The following APLF variants were observed in gnomAD, a reference collection of about 807,000 sequenced individuals.
The protein encoded by APLF is aprataxin and PNKP like factor, also known as aprataxin and PNK-like factor.
APLF carries 61 observed loss-of-function variants against 55.6 expected under a neutral mutation model. The ratio of observed to expected loss-of-function variants is 1.10; its 90% CI spans 0.89 to 1.36. APLF has a LOEUF of 1.36. Ranked by LOEUF, APLF falls within the 40% of genes most tolerant of loss-of-function variation. The pLI is 0.00. For missense variants in APLF, 611 were observed against 602.5 expected (o/e 1.01, Z -0.15); for synonymous variants, 207 against 214.8 (o/e 0.96, Z 0.32).
At chr2:68,510,363 C>T (rs1056836152) in intron 3 of APLF, among the ~76,000 whole-genome samples, 1 of 151,642 alleles carries the variant, frequency 6.6e-6, no homozygotes, top group African/African-American at 2.4e-5. Context: ...TTTTAAAATG[C>T]ATAACTGATT....
intron 5 of APLF, chr2:68,515,565 C>T: frequency 1.0e-5 from 10 of 982,484 alleles, no homozygotes; most frequent in Non-Finnish European, 9.7e-6. Flanking sequence ...ATTTCAAATA[C>T]GTTTTCTTTC....
intron 2 of APLF, among the ~76,000 whole-genome samples, chr2:68,500,660 A>G (rs923495036): frequency 6.6e-6 from 1 of 152,214 alleles, no homozygotes; most frequent in South Asian, 2.1e-4. Flanking sequence ...AGCAAGCGTC[A>G]CTTAAAGAAT....
chr2:68,569,852 C>T (rs942084195), intron 9 of APLF, among the ~76,000 whole-genome samples: 1 of 152,088 alleles, frequency 6.6e-6, no homozygotes, highest in Non-Finnish European at 1.5e-5. Context: ...TTATAGTACA[C>T]ATTATCAGGA....
intron 7 of APLF, among the ~76,000 whole-genome samples, chr2:68,541,345 G>A (rs1670542181): frequency 1.3e-5 from 2 of 151,856 alleles, no homozygotes. Flanking sequence ...ATATTAGAAG[G>A]GTGAAAAGGC....
At chr2:68,516,525 T>C (rs1009001183) in intron 5 of APLF, among the ~76,000 whole-genome samples, 1 of 151,196 alleles carries the variant, frequency 6.6e-6, no homozygotes, top group African/African-American at 2.4e-5. Context: ...TTCTGAGATT[T>C]TGGTGCACCC....
chr2:68,518,099 TATATA>T (rs942401636), intron 5 of APLF, among the ~76,000 whole-genome samples: 5 of 131,938 alleles, frequency 3.8e-5, no homozygotes, highest in South Asian at 2.3e-4. Flanking sequence ...TATATATTAA[TATATA>T]ATATATCATA....
At chr2:68,500,083 G>A (rs1361972800) in intron 2 of APLF, among the ~76,000 whole-genome samples, 1 of 151,884 alleles carries the variant, frequency 6.6e-6, no homozygotes, top group African/African-American at 2.4e-5. Flanking sequence ...TATTAATATT[G>A]TTAGGTTTTT....
At chr2:68,502,703 T>C in intron 2 of APLF, 28 bp from the exon 3 acceptor site, 1 of 1,278,044 alleles carries the variant, frequency 7.8e-7, no homozygotes, top group Non-Finnish European at 1.0e-6. Flanking sequence ...TTTTTTAAAT[T>C]TAATTATATT....
At chr2:68,528,758 C>A in intron 6 of APLF, 1 of 1,479,830 alleles carries the variant, frequency 6.8e-7, no homozygotes, top group Non-Finnish European at 9.1e-7. Context: ...GACTCCATGG[C>A]CCTTGGAGTA....
chr2:68,494,169 G>A (rs533799839), intron 2 of APLF, among the ~76,000 whole-genome samples: 5 of 150,748 alleles, frequency 3.3e-5, no homozygotes, highest in South Asian at 4.2e-4. Context: ...TCAGTTACTC[G>A]GGAGGCTGAG....
At chr2:68,505,306 A>G (rs1305875173) in intron 3 of APLF, among the ~76,000 whole-genome samples, 1 of 152,068 alleles carries the variant, frequency 6.6e-6, no homozygotes. Flanking sequence ...GAAAATGTGC[A>G]TCCTTATGAA....
chr2:68,490,888 A>C (rs1419070899), intron 2 of APLF, among the ~76,000 whole-genome samples: 1 of 152,176 alleles, frequency 6.6e-6, no homozygotes. Context: ...ATAAGGGTCC[A>C]TTTATTTTAG....
chr2:68,563,018 T>C (rs1671208698), intron 8 of APLF: 1 of 971,844 alleles, frequency 1.0e-6, no homozygotes, highest in African/African-American at 1.8e-5. Flanking sequence ...TTTTTGAGCC[T>C]GTCATAGATA....
chr2:68,471,923 G>C (rs1342409232), intron 1 of APLF, among the ~76,000 whole-genome samples: 1 of 152,058 alleles, frequency 6.6e-6, no homozygotes, highest in Non-Finnish European at 1.5e-5. Flanking sequence ...GGTACAGCTT[G>C]GTTTTTATAT....
chr2:68,551,347 T>C (rs1670854035), intron 8 of APLF, among the ~76,000 whole-genome samples: 1 of 152,120 alleles, frequency 6.6e-6, no homozygotes, highest in Non-Finnish European at 1.5e-5. Context: ...TCCATCCTAT[T>C]TGGGGGTTCA....
chr2:68,469,098 A>G (rs141312262), intron 1 of APLF, among the ~76,000 whole-genome samples: 5 of 151,414 alleles, frequency 3.3e-5, no homozygotes, highest in Non-Finnish European at 4.4e-5. Context: ...ATTGCTGTTC[A>G]TTTTTTTACT....
intron 5 of APLF, among the ~76,000 whole-genome samples, chr2:68,524,325 G>A (rs766698291): frequency 6.6e-6 from 1 of 152,228 alleles, no homozygotes; most frequent in Non-Finnish European, 1.5e-5. Flanking sequence ...AATATGGACA[G>A]TATTCCATTG....
At chr2:68,572,327 T>A (rs1347757671) in intron 9 of APLF, among the ~76,000 whole-genome samples, 1 of 152,116 alleles carries the variant, frequency 6.6e-6, no homozygotes, top group African/African-American at 2.4e-5. Context: ...GAAGCGTTAT[T>A]AAAAATGTTT....
chr2:68,499,860 T>TA (rs1046132111), intron 2 of APLF, among the ~76,000 whole-genome samples: 1 of 151,910 alleles, frequency 6.6e-6, no homozygotes, highest in Non-Finnish European at 1.5e-5. Context: ...AATAAATAAA[T>TA]ACTTTCAAAC....
Sources: gnomAD v4.1 joint callset for allele counts (sites outside exome capture counted in the v4.1 genomes callset) on GRCh38, gnomAD v4.1.1 for gene constraint, MANE v1.5 for transcripts, NCBI Gene and HGNC (gene_info 2026-07-23, HGNC 2026-07-21) for gene names.